The following ITPR2 variants were observed in gnomAD, a reference collection of about 807,000 sequenced individuals.
The protein encoded by ITPR2 is inositol 1,4,5-trisphosphate-gated calcium channel ITPR2.
Under a neutral mutation model 317.1 loss-of-function variants are expected in ITPR2, and 207 were observed. That is an observed-to-expected ratio of 0.65 (90% CI 0.58 to 0.73). The LOEUF (loss-of-function observed/expected upper bound fraction) is 0.73. ITPR2 is among the 30% of genes least tolerant of loss of function. The pLI is 0.00. For missense variants in ITPR2, 2,613 were observed against 3,284.0 expected, an observed-to-expected ratio of 0.80 and a Z score of 4.99; for synonymous variants, 1,156 against 1,149.1, an observed-to-expected ratio of 1.01 and a Z score of -0.12.
intron 36 of ITPR2, among the ~76,000 whole-genome samples, chr12:26,551,065 C>A (rs1944513392): frequency 6.6e-6 from 1 of 152,154 alleles, no homozygotes; most frequent in Non-Finnish European, 1.5e-5. Flanking sequence ...ATAAAATGTT[C>A]ATTAACAGAA....
intron 1 of ITPR2, among the ~76,000 whole-genome samples, chr12:26,795,409 G>A (rs1243868446): frequency 6.6e-6 from 1 of 152,114 alleles, no homozygotes; most frequent in African/African-American, 2.4e-5. Flanking sequence ...ATAAAAGACC[G>A]ATAAGTTTGT....
chr12:26,768,192 T>G (rs1949758153), intron 2 of ITPR2, among the ~76,000 whole-genome samples: 1 of 146,960 alleles, frequency 6.8e-6, no homozygotes, highest in East Asian at 2.0e-4. Flanking sequence ...CATACCTATG[T>G]AACAAACCTG....
intron 54 of ITPR2, among the ~76,000 whole-genome samples, chr12:26,392,090 C>T (rs1374177127): frequency 6.6e-6 from 1 of 152,154 alleles, no homozygotes; most frequent in African/African-American, 2.4e-5. Flanking sequence ...TTACCATCAT[C>T]TTGCTGATGT....
intron 10 of ITPR2, among the ~76,000 whole-genome samples, chr12:26,691,023 T>G (rs1402610123): frequency 6.6e-6 from 1 of 152,232 alleles, no homozygotes; most frequent in Admixed American, 6.5e-5. Context: ...GTTTAGAAGT[T>G]TTTTAAAACA....
intron 8 of ITPR2, among the ~76,000 whole-genome samples, chr12:26,713,776 TA>T (rs1948692040): frequency 6.6e-6 from 1 of 150,516 alleles, no homozygotes; most frequent in Non-Finnish European, 1.5e-5. Context: ...GCTACCTCTA[TA>T]TTTTTTTAAT....
At chr12:26,426,800 T>C (rs1941073207) in intron 49 of ITPR2, among the ~76,000 whole-genome samples, 1 of 151,680 alleles carries the variant, frequency 6.6e-6, no homozygotes, top group Non-Finnish European at 1.5e-5. Context: ...TGGTTGACTA[T>C]TTTATTAATT....
At chr12:26,592,269 C>T (rs1415914202) in intron 32 of ITPR2, among the ~76,000 whole-genome samples, 1 of 152,104 alleles carries the variant, frequency 6.6e-6, no homozygotes, top group African/African-American at 2.4e-5. Flanking sequence ...GGTAGTGGGG[C>T]AGAGGGGAAG....
intron 55 of ITPR2, among the ~76,000 whole-genome samples, chr12:26,387,053 G>A (rs908637492): frequency 2.6e-5 from 4 of 152,168 alleles, no homozygotes; most frequent in Non-Finnish European, 5.9e-5. Flanking sequence ...AAATTCAAGG[G>A]ATTCCTTAAG....
chr12:26,511,193 C>T (rs768013766), intron 37 of ITPR2, among the ~76,000 whole-genome samples: 1 of 152,192 alleles, frequency 6.6e-6, no homozygotes, highest in Non-Finnish European at 1.5e-5. Flanking sequence ...CAAGTATCAT[C>T]CCATCAGTGG....
At chr12:26,380,273 G>A (rs74492565) in intron 55 of ITPR2, among the ~76,000 whole-genome samples, 9 of 152,282 alleles carry the variant, frequency 5.9e-5, no homozygotes, top group Admixed American at 5.2e-4. Context: ...GGAATAGAAA[G>A]ATGTTAACAT....
chr12:26,808,449 A>G (rs1950675244), intron 1 of ITPR2, among the ~76,000 whole-genome samples: 1 of 152,252 alleles, frequency 6.6e-6, no homozygotes, highest in Admixed American at 6.5e-5. Context: ...TGATTTATTC[A>G]TTCAACAAAT....
intron 55 of ITPR2, 69 bp downstream of exon 55, chr12:26,387,365 G>C (rs753914918): frequency 4.4e-5 from 62 of 1,410,458 alleles, no homozygotes; most frequent in Non-Finnish European, 5.7e-5. Flanking sequence ...TGGGAGGATG[G>C]TAGGGTAGAG....
chr12:26,491,339 C>G (rs533553547), intron 39 of ITPR2, among the ~76,000 whole-genome samples: 2 of 151,436 alleles, frequency 1.3e-5, no homozygotes, highest in Non-Finnish European at 2.9e-5. Flanking sequence ...AAAAATTAGC[C>G]GGGCGTGGTG....
At chr12:26,482,948 G>A (rs192340731) in intron 42 of ITPR2, among the ~76,000 whole-genome samples, 1 of 152,190 alleles carries the variant, frequency 6.6e-6, no homozygotes, top group Admixed American at 6.5e-5. Context: ...TCTGTCTTCT[G>A]GACTGATCCA....
At chr12:26,538,024 A>C (rs1177706381) in intron 37 of ITPR2, among the ~76,000 whole-genome samples, 3 of 152,258 alleles carry the variant, frequency 2.0e-5, no homozygotes, top group Non-Finnish European at 4.4e-5. Flanking sequence ...AACGTAAAAA[A>C]ACAGTTGCCT....
At chr12:26,748,866 C>G (rs1281790896) in intron 2 of ITPR2, among the ~76,000 whole-genome samples, 1 of 152,014 alleles carries the variant, frequency 6.6e-6, no homozygotes, top group Non-Finnish European at 1.5e-5. Flanking sequence ...AAACATGAAG[C>G]CAGAATTGAA....
At chr12:26,432,089 A>G (rs1941226631) in intron 48 of ITPR2, among the ~76,000 whole-genome samples, 1 of 152,156 alleles carries the variant, frequency 6.6e-6, no homozygotes. Flanking sequence ...AACACCTCAT[A>G]TAACTACATG....
At chr12:26,776,203 C>T (rs1490400480) in intron 2 of ITPR2, among the ~76,000 whole-genome samples, 3 of 152,036 alleles carry the variant, frequency 2.0e-5, no homozygotes, top group African/African-American at 7.3e-5. Context: ...ATTTGACACT[C>T]CTGACTCACC....
chr12:26,340,801 G>C (rs906378638), intron 55 of ITPR2, among the ~76,000 whole-genome samples: 2 of 152,126 alleles, frequency 1.3e-5, no homozygotes, highest in Admixed American at 1.3e-4. Context: ...CTCTGTAAAG[G>C]CTCCCCACCA....
Sources: gnomAD v4.1 joint callset for allele counts (sites outside exome capture counted in the v4.1 genomes callset) on GRCh38, gnomAD v4.1.1 for gene constraint, MANE v1.5 for transcripts, NCBI Gene and HGNC (gene_info 2026-07-23, HGNC 2026-07-21) for gene names.